Variants in RBFOX1 observed in about 807,000 individuals in gnomAD.
The protein encoded by RBFOX1 is RNA binding protein fox-1 homolog 1.
RBFOX1 carries 8 observed loss-of-function variants against 57.7 expected under a neutral mutation model. The ratio of observed to expected loss-of-function variants is 0.14; its 90% CI spans 0.08 to 0.25. RBFOX1 has a LOEUF of 0.25. Ranked by LOEUF, RBFOX1 falls within the 10% of genes least tolerant of loss-of-function variation. The pLI is 1.00. For missense variants in RBFOX1, 611 were observed against 548.5 expected (o/e 1.11, Z -1.14); for synonymous variants, 326 against 222.4 (o/e 1.47, Z -4.15).
intron 3 of RBFOX1, among the ~76,000 whole-genome samples, chr16:6,803,032 A>C (rs1404575510): frequency 6.6e-6 from 1 of 152,174 alleles, no homozygotes; most frequent in Non-Finnish European, 1.5e-5. Context: ...AGGAAAAGGG[A>C]CTTACTCATT....
At chr16:6,031,144 T>C (rs1381222742) in intron 1 of RBFOX1, among the ~76,000 whole-genome samples, 1 of 152,118 alleles carries the variant, frequency 6.6e-6, no homozygotes, top group East Asian at 1.9e-4. Context: ...AGGAGAGGTA[T>C]TGGGCCACAT....
intron 2 of RBFOX1, among the ~76,000 whole-genome samples, chr16:6,393,967 T>A (rs535463417): frequency 6.6e-6 from 1 of 152,340 alleles, no homozygotes; most frequent in East Asian, 1.9e-4. Flanking sequence ...CTGTTCTTTT[T>A]CCAACAAGAA....
chr16:6,304,876 CAAAAAA>C (rs58680911), intron 1 of RBFOX1, among the ~76,000 whole-genome samples: 1 of 79,672 alleles, frequency 1.3e-5, no homozygotes, highest in Non-Finnish European at 2.2e-5. Context: ...GACCCTGTCT[CAAAAAA>C]AAAAAAAAAA....
intron 3 of RBFOX1, among the ~76,000 whole-genome samples, chr16:6,910,821 G>T (rs2071380815): frequency 6.6e-6 from 1 of 152,108 alleles, no homozygotes; most frequent in African/African-American, 2.4e-5. Flanking sequence ...TCAGTTGACT[G>T]GTATATCTAA....
chr16:6,020,132 T>A, intron 1 of RBFOX1, 140 bp downstream of exon 1: 1 of 1,023,604 alleles, frequency 9.8e-7, no homozygotes, highest in Non-Finnish European at 1.3e-6. Flanking sequence ...GACGGGAACT[T>A]TTTCAGGGTG....
intron 3 of RBFOX1, among the ~76,000 whole-genome samples, chr16:5,672,654 C>T (rs971167609): frequency 1.3e-5 from 2 of 152,138 alleles, no homozygotes; most frequent in Non-Finnish European, 2.9e-5. Context: ...AAGACTCATC[C>T]ATCTCTGATT....
At chr16:6,399,681 C>T (rs2092990088) in intron 2 of RBFOX1, among the ~76,000 whole-genome samples, 1 of 152,210 alleles carries the variant, frequency 6.6e-6, no homozygotes, top group African/African-American at 2.4e-5. Flanking sequence ...GGTATCTTTA[C>T]AGCAGTGCAC....
chr16:5,888,238 C>T (rs1413703762), intron 4 of RBFOX1, among the ~76,000 whole-genome samples: 1 of 152,196 alleles, frequency 6.6e-6, no homozygotes, highest in African/African-American at 2.4e-5. Flanking sequence ...TGGCTTTCCA[C>T]TTGGCCAGGT....
At chr16:5,340,510 G>A (rs960160677) in intron 1 of RBFOX1, among the ~76,000 whole-genome samples, 1 of 152,190 alleles carries the variant, frequency 6.6e-6, no homozygotes, top group African/African-American at 2.4e-5. Context: ...TGTCATTCCT[G>A]AAGTAGGAGG....
intron 4 of RBFOX1, among the ~76,000 whole-genome samples, chr16:7,216,354 A>C (rs553213000): frequency 6.6e-6 from 1 of 152,124 alleles, no homozygotes; most frequent in African/African-American, 2.4e-5. Flanking sequence ...AAATGGGAAT[A>C]ATAATGGCAT....
At chr16:6,721,255 C>T (rs1464535795) in intron 3 of RBFOX1, among the ~76,000 whole-genome samples, 2 of 152,096 alleles carry the variant, frequency 1.3e-5, no homozygotes, top group African/African-American at 4.8e-5. Flanking sequence ...CCAGTCTGGC[C>T]AACATGGTAA....
chr16:6,765,724 A>G (rs752831690), intron 3 of RBFOX1, among the ~76,000 whole-genome samples: 2 of 152,216 alleles, frequency 1.3e-5, no homozygotes, highest in Non-Finnish European at 2.9e-5. Flanking sequence ...GCAAAGATAC[A>G]GAATCAGCCT....
At chr16:5,907,263 GGA>G (rs1433352722) in intron 4 of RBFOX1, among the ~76,000 whole-genome samples, 2 of 151,908 alleles carry the variant, frequency 1.3e-5, no homozygotes, top group Non-Finnish European at 2.9e-5. Flanking sequence ...TTGAGATAGT[GGA>G]GTTCTCATCC....
At chr16:6,735,969 G>C (rs1424297790) in intron 3 of RBFOX1, among the ~76,000 whole-genome samples, 1 of 642 alleles carries the variant, frequency 1.6e-3, no homozygotes, top group African/African-American at 0.011. Context: ...AATAAGGTTT[G>C]CTTCCCTACT....
At chr16:7,068,474 T>C (rs2056628839) in intron 4 of RBFOX1, among the ~76,000 whole-genome samples, 2 of 152,204 alleles carry the variant, frequency 1.3e-5, no homozygotes, top group Admixed American at 1.3e-4. Context: ...ACTTCTTCTT[T>C]TGCAGTCCCT....
intron 2 of RBFOX1, among the ~76,000 whole-genome samples, chr16:6,641,028 GCGTAAA>G (rs915479911): frequency 6.6e-6 from 1 of 152,118 alleles, no homozygotes; most frequent in African/African-American, 2.4e-5. Context: ...GACTTGATGG[GCGTAAA>G]CTCACCGTTC....
At chr16:7,194,740 G>C (rs952246163) in intron 4 of RBFOX1, among the ~76,000 whole-genome samples, 1 of 150,794 alleles carries the variant, frequency 6.6e-6, no homozygotes. Context: ...CCAGCCTGGG[G>C]AATATAGTCA....
chr16:7,228,072 C>A lies in RBFOX1; in HGVS notation c.27+175974C>A, dbSNP rs147857024. On this transcript the variant is annotated intron_variant, in intron 4 of 15. Transcript: ENST00000550418. Reference sequence around the variant, plus strand: ...ACTTTCTCCTGATACTGCCTGATATCCTCTGTGGGTGAATTTTCCTGGTTA... The same window carrying A: ...ACTTTCTCCTGATACTGCCTGATATACTCTGTGGGTGAATTTTCCTGGTTA... Among the ~76,000 whole-genome samples the A allele has an allele frequency of 4.8e-3, 726 of 152,240 alleles. 4 individuals are homozygous for A. Among genetic ancestry groups the A allele is most frequent in the African/African-American group, 0.016 (663 of 41,540 alleles).
At chr16:5,339,470 G>GTGTTTTTTTT (rs2064982294) in intron 1 of RBFOX1, among the ~76,000 whole-genome samples, 2 of 40,854 alleles carry the variant, frequency 4.9e-5, no homozygotes, top group Non-Finnish European at 9.0e-5. Context: ...CTTTTTCCGT[G>GTGTTTTTTTT]TTTTTTTTTT....
Sources: gnomAD v4.1 joint callset for allele counts (sites outside exome capture counted in the v4.1 genomes callset) on GRCh38, gnomAD v4.1.1 for gene constraint, MANE v1.5 for transcripts, NCBI Gene and HGNC (gene_info 2026-07-23, HGNC 2026-07-21) for gene names.